METTL23: variants seen among roughly 807,000 people sequenced by gnomAD.
METTL23 encodes histone-arginine methyltransferase METTL23.
Under a neutral mutation model 21.2 loss-of-function variants are expected in METTL23, and 24 were observed. The observed-to-expected ratio is 1.13, with a 90% CI of 0.82 to 1.59. The LOEUF (loss-of-function observed/expected upper bound fraction) is 1.59, where lower values mean the gene tolerates loss of function less well. Among genes scored for constraint, METTL23 ranks in the 40% most tolerant of loss-of-function variants. The pLI is 0.00. For missense variants in METTL23, 276 were observed against 221.4 expected (o/e 1.25, Z -1.57); for synonymous variants, 97 against 75.2 (o/e 1.29, Z -1.50).
chr17:76,728,204 C>G (rs2077035160), intron 1 of METTL23, among the ~76,000 whole-genome samples: 2 of 146,366 alleles, frequency 1.4e-5, no homozygotes, highest in South Asian at 4.3e-4. Flanking sequence ...CCACTGCACT[C>G]AGGCATGAGC....
intron 1 of METTL23, among the ~76,000 whole-genome samples, chr17:76,729,306 C>T (rs1443869379): frequency 6.6e-6 from 1 of 152,078 alleles, no homozygotes; most frequent in East Asian, 1.9e-4. Context: ...GTCTCAAACT[C>T]CTGACCTCAG....
rs753368095 is a variant in METTL23, at chr17:76,733,128, C to G, written c.235C>G (p.Leu79Val). The change falls in exon 3 of 5, where the codon CTA (leucine) becomes GTA (valine). Residue 79 changes from leucine (L) to valine (V), a missense_variant. Leu to Val is a conservative substitution (Grantham distance 32). Coordinates refer to ENST00000341249, the MANE Select transcript of METTL23 (RefSeq NM_001080510.5). ...NNLPHLQVVG[L>V]TWGHISWDLL... ...CCTGCCACATCTGCAGGTGGTAGGA[C>G]TAACATGGGGTCATATATCTTGGGA... 3.1e-6 allele frequency: 5 copies of G among 1,613,640 alleles called. No individual in the cohort carries two copies. The African/African-American group carries it at 6.7e-5, about 22-fold the overall frequency.
intron 1 of METTL23, among the ~76,000 whole-genome samples, chr17:76,728,005 G>A (rs1261324344): frequency 3.3e-5 from 5 of 152,310 alleles, no homozygotes; most frequent in Non-Finnish European, 1.5e-5. Context: ...AATGGGAGGC[G>A]GAGGCGGGAG....
At chr17:76,731,062 G>A (rs1191215353) in intron 2 of METTL23, among the ~76,000 whole-genome samples, 8 of 151,428 alleles carry the variant, frequency 5.3e-5, no homozygotes, top group East Asian at 3.9e-4. Context: ...AGCCGAGATC[G>A]CACCACTGCA....
chr17:76,726,500 G>C, upstream of METTL23: 1 of 1,579,754 alleles, frequency 6.3e-7, no homozygotes, highest in Non-Finnish European at 8.6e-7. Context: ...AGCTGGTTCC[G>C]CTACGACCTC....
rs1262337841 is a variant in METTL23 at position 76,733,868 on chromosome 17, C to G, written c.*182C>G. ...CTCATATGAAACAAAAATTAAAATA[C>G]GTATTACAAGTACTTGGATTGTTCC... is the stretch of plus-strand genomic sequence containing the variant. On this transcript the variant is annotated 3_prime_UTR_variant, in exon 5 of 5. Coordinates refer to ENST00000341249, the MANE Select transcript of METTL23 (RefSeq NM_001080510.5). The G allele has an allele frequency of 2.1e-6, 1 of 476,550 alleles. No individual in the cohort carries two copies. Among genetic ancestry groups the G allele is most frequent in the South Asian group, 4.5e-5 (1 of 22,354 alleles). 29.5% of individuals were successfully genotyped at this position (476,550 alleles called of 1,614,324 possible).
At chr17:76,728,960 A>AT (rs2077082905) in intron 1 of METTL23, among the ~76,000 whole-genome samples, 2 of 149,676 alleles carry the variant, frequency 1.3e-5, no homozygotes, top group African/African-American at 4.9e-5. Context: ...TGTCCGGCTA[A>AT]TTTTTTTGTA....
chr17:76,726,491 G>T, upstream of METTL23: 1 of 1,585,276 alleles, frequency 6.3e-7, no homozygotes, highest in Non-Finnish European at 8.6e-7. Flanking sequence ...GGGGTCGCCA[G>T]CTGGTTCCGC....
At chr17:76,731,993 T>C (rs1396005866) in intron 2 of METTL23, among the ~76,000 whole-genome samples, 2 of 152,222 alleles carry the variant, frequency 1.3e-5, no homozygotes, top group Non-Finnish European at 2.9e-5. Context: ...AAATCTTTAC[T>C]AGAAAGCCAT....
chr17:76,726,868 A>G lies in METTL23; in HGVS notation c.-332A>G, dbSNP rs571250676. 10 of 414,080 alleles carry G rather than the reference A, an allele frequency of 2.4e-5. No homozygotes were observed. The highest frequency in any genetic ancestry group is 2.1e-4 in the African/African-American group (9 of 43,482). The allele number at this position is 414,080 out of a possible 1,614,324, so 25.7% of individuals were successfully genotyped here. ...CCGGTCGCGCCAGCCGCCCGTTGCC[A>G]GTTCTGCGCGTGTGAGTCTCTTTCG... On this transcript the variant is annotated 5_prime_UTR_variant, in exon 1 of 5. Transcript: ENST00000341249.
rs563211390 is a variant in METTL23, at chr17:76,731,725, T to C, written c.85-1253T>C. Among the ~76,000 whole-genome samples, 3 of 152,170 alleles carry C rather than the reference T, an allele frequency of 2.0e-5. No individual in the cohort carries two copies. In the South Asian group the frequency reaches 6.2e-4, roughly 31 times the overall value. The stretch of plus-strand genomic sequence containing the variant: ...ACCATACTTAAGACCAAAGGCTAAA[T>C]AGACAAACCAGAAGCTTAATATTAA... On this transcript the variant is annotated intron_variant, in intron 2 of 4. Transcript: ENST00000341249.
In METTL23 at chr17:76,733,510, T is replaced by C; in HGVS notation, c.408-11T>C. 2 of 1,597,952 alleles carry C rather than the reference T, an allele frequency of 1.3e-6. No homozygotes were observed. Among genetic ancestry groups the C allele is most frequent in the Non-Finnish European group, 8.5e-7 (1 of 1,174,712 alleles). ...GGCATGACTTTAAAAGAACAACTTTTTTTTTTTAAGTGCTGACTGGTCACT... is the reference window on the plus strand; with the variant it reads ...GGCATGACTTTAAAAGAACAACTTTCTTTTTTTAAGTGCTGACTGGTCACT... On this transcript the variant is annotated splice_polypyrimidine_tract_variant and intron_variant, in intron 4 of 4. Coordinates refer to ENST00000341249, the MANE Select transcript of METTL23 (RefSeq NM_001080510.5).
chr17:76,726,576 C>CT (rs1367939368), upstream of METTL23: 2 of 1,438,338 alleles, frequency 1.4e-6, no homozygotes, highest in African/African-American at 3.0e-5. Context: ...CGGCAGTACC[C>CT]AAACGCCCTT....
At chr17:76,733,474 A>C in intron 4 of METTL23, 47 bp from the exon 5 acceptor site, 3 of 1,600,914 alleles carry the variant, frequency 1.9e-6, no homozygotes, top group Non-Finnish European at 2.6e-6. Flanking sequence ...CATCTGAAGC[A>C]AAACAGAAAA....
rs572114280 is a variant in METTL23 at position 76,727,597 on chromosome 17, C to T, written c.-22+419C>T. Among the ~76,000 whole-genome samples the T allele has an allele frequency of 8.1e-4, 123 of 152,364 alleles. No homozygotes were observed. In the South Asian group the frequency reaches 0.013, roughly 16 times the overall value. The stretch of plus-strand genomic sequence containing the variant: ...CTTGTCCAAGGGTTTCTTGATTCAT[C>T]CTTATCTCTCACTTTTGTGTGAGTT... On this transcript the variant is annotated intron_variant, in intron 1 of 4. Transcript: ENST00000341249.
intron 1 of METTL23, among the ~76,000 whole-genome samples, chr17:76,727,784 G>A (rs1442369834): frequency 6.6e-6 from 1 of 152,154 alleles, no homozygotes; most frequent in Non-Finnish European, 1.5e-5. Flanking sequence ...AGGCTGGAGC[G>A]CAGTGGCGCG....
At chr17:76,727,207 G>T in intron 1 of METTL23, 29 bp downstream of exon 1, 1 of 378,412 alleles carries the variant, frequency 2.6e-6, no homozygotes, top group Non-Finnish European at 5.3e-6. Flanking sequence ...GCCAGGAGGC[G>T]CCTGAGGTCA....
chr17:76,727,457 C>A, intron 1 of METTL23: 1 of 212,418 alleles, frequency 4.7e-6, no homozygotes, highest in South Asian at 5.4e-5. Flanking sequence ...GCCTCGGCCT[C>A]CCAAAGTGCT....
At chr17:76,732,469 G>C (rs1336252094) in intron 2 of METTL23, among the ~76,000 whole-genome samples, 1 of 151,730 alleles carries the variant, frequency 6.6e-6, no homozygotes, top group Non-Finnish European at 1.5e-5. Flanking sequence ...TTGTACTCCA[G>C]CCTGAGCAAC....
Sources: gnomAD v4.1 joint callset for allele counts (sites outside exome capture counted in the v4.1 genomes callset) on GRCh38, gnomAD v4.1.1 for gene constraint, MANE v1.5 for transcripts, NCBI Gene and HGNC (gene_info 2026-07-23, HGNC 2026-07-21) for gene names.